The following IYD variants were observed in gnomAD, a reference collection of about 807,000 sequenced individuals.
The protein encoded by IYD is iodotyrosine deiodinase.
In IYD, 25 loss-of-function variants were observed where a neutral mutation model predicts 28.4. The observed-to-expected ratio is 0.88, with a 90% CI of 0.64 to 1.23. The LOEUF is 1.23. Among genes scored for constraint, IYD ranks in the 50% most tolerant of loss-of-function variants. IYD has a pLI of 0.00. For synonymous variants in IYD, 140 were observed against 130.8 expected (o/e 1.07, Z -0.48); for missense variants, 352 against 357.9 (o/e 0.98, Z 0.13).
chr6:150,375,974 T>C (rs1777431788), intron 1 of IYD, among the ~76,000 whole-genome samples: 1 of 152,188 alleles, frequency 6.6e-6, no homozygotes, highest in Non-Finnish European at 1.5e-5. Flanking sequence ...AAGCAATGTA[T>C]TTGGAGATGT....
rs973532325 is a variant in IYD at position 150,396,490 on chromosome 6, T to G, written c.688-1565T>G. 14 of 699,806 alleles carry G rather than the reference T, an allele frequency of 2.0e-5. No individual in the cohort carries two copies. In the East Asian group the frequency reaches 3.8e-4, roughly 19 times the overall value. 43.3% of individuals were successfully genotyped at this position (699,806 alleles called of 1,614,324 possible). The stretch of plus-strand genomic sequence containing the variant: ...TTGCAGGTTTCTACTGCTAGAGACA[T>G]ACAAAATTCAGTATGGAGTAAAAGC... On this transcript the variant is annotated intron_variant, in intron 4 of 4. Coordinates refer to ENST00000344419, the MANE Select transcript of IYD (RefSeq NM_203395.3).
intron 4 of IYD, chr6:150,395,342 C>T (rs1247372277): frequency 2.3e-6 from 3 of 1,299,230 alleles, no homozygotes; most frequent in Non-Finnish European, 3.2e-6. Flanking sequence ...CAAAGAAAAA[C>T]ATGTATGTTG....
At chr6:150,375,350 A>C (rs1777408051) in intron 1 of IYD, among the ~76,000 whole-genome samples, 1 of 152,158 alleles carries the variant, frequency 6.6e-6, no homozygotes, top group South Asian at 2.1e-4. Context: ...GGAGATGAAG[A>C]AACTGTATTC....
chr6:150,395,533 G>A lies in IYD; in HGVS notation c.687+1278G>A. 1.3e-6 allele frequency: 2 copies of A among 1,537,332 alleles called. No individual in the cohort carries two copies. Among genetic ancestry groups the A allele is most frequent in the Non-Finnish European group, 8.7e-7 (1 of 1,146,922 alleles). ...TGAGGGTCCTGGAAGAAGCAGCGAA[G>A]CCTGCAGCAAGCTCAGCTCACAAGG... On this transcript the variant is annotated intron_variant, in intron 4 of 4. Coordinates refer to ENST00000344419, the MANE Select transcript of IYD (RefSeq NM_203395.3).
chr6:150,384,568 A>T (rs1347249025), intron 1 of IYD: 1 of 152,158 alleles, frequency 6.6e-6, no homozygotes, highest in Non-Finnish European at 1.5e-5. Flanking sequence ...TTATTATTAT[A>T]TTTTTGCCAT....
In IYD at chr6:150,405,714, C is replaced by A. The variant is rs1778623119; in HGVS notation, c.*7477C>A. 1 of 152,158 alleles carries A rather than the reference C, an allele frequency of 6.6e-6. No individual in the cohort carries two copies. Among genetic ancestry groups the A allele is most frequent in the African/African-American group, 2.4e-5 (1 of 41,422 alleles). 9.4% of individuals were successfully genotyped at this position (152,158 alleles called of 1,614,324 possible). Reference sequence around the variant, plus strand: ...GAAACTGCCCCCATTATTCAATTATCCCCCATCAGTTCTCTCCCATGACAT... The same window carrying A: ...GAAACTGCCCCCATTATTCAATTATACCCCATCAGTTCTCTCCCATGACAT... On this transcript the variant is annotated 3_prime_UTR_variant, in exon 5 of 5. Coordinates refer to ENST00000344419, the MANE Select transcript of IYD (RefSeq NM_203395.3).
chr6:150,370,690 G>T (rs1777208050), intron 1 of IYD: 8 of 984,892 alleles, frequency 8.1e-6, no homozygotes, highest in Non-Finnish European at 9.6e-6. Flanking sequence ...TGGTAAGGAT[G>T]GCCTGGATGG....
chr6:150,396,620 A>T (rs1299188481), intron 4 of IYD: 4 of 495,368 alleles, frequency 8.1e-6, no homozygotes, highest in Non-Finnish European at 1.4e-5. Flanking sequence ...CACGCCTCTA[A>T]TCCCAGCACT....
At chr6:150,388,811 C>T (rs805991) in intron 1 of IYD, among the ~76,000 whole-genome samples, 59,850 of 150,308 alleles carry the variant, frequency 0.4, 13,484 homozygotes, top group Non-Finnish European at 0.52. Context: ...AAGCGATTCT[C>T]ATGCCTCAGC....
intron 1 of IYD, among the ~76,000 whole-genome samples, chr6:150,379,487 T>C (rs1457185987): frequency 6.6e-6 from 1 of 152,192 alleles, no homozygotes; most frequent in African/African-American, 2.4e-5. Flanking sequence ...CTTTGTACCA[T>C]CCCTTCTTAT....
intron 1 of IYD, among the ~76,000 whole-genome samples, chr6:150,377,427 C>T (rs1237209464): frequency 1.3e-5 from 2 of 152,180 alleles, no homozygotes; most frequent in African/African-American, 2.4e-5. Flanking sequence ...TCTCATTCCC[C>T]AGCCATAGTA....
At chr6:150,393,683 A>T (rs1428636384) in intron 3 of IYD, among the ~76,000 whole-genome samples, 4 of 152,234 alleles carry the variant, frequency 2.6e-5, no homozygotes, top group African/African-American at 9.6e-5. Flanking sequence ...TTCTGCATTT[A>T]CACCTTACAT....
At chr6:150,393,286 C>T (rs975560609) in intron 3 of IYD, among the ~76,000 whole-genome samples, 3 of 152,156 alleles carry the variant, frequency 2.0e-5, no homozygotes, top group Admixed American at 6.5e-5. Context: ...CAGTGCAGAT[C>T]TTCTAAAGCG....
At chr6:150,373,188 C>T (rs1777332980) in intron 1 of IYD, among the ~76,000 whole-genome samples, 2 of 152,110 alleles carry the variant, frequency 1.3e-5, no homozygotes, top group South Asian at 2.1e-4. Flanking sequence ...CTAAGAAAGG[C>T]CTGAGTTAAA....
chr6:150,388,077 T>C (rs929922147), intron 1 of IYD, among the ~76,000 whole-genome samples: 3 of 152,202 alleles, frequency 2.0e-5, no homozygotes, highest in Non-Finnish European at 4.4e-5. Context: ...TGCTGATGAT[T>C]GTACTTAAAA....
intron 1 of IYD, among the ~76,000 whole-genome samples, chr6:150,385,610 T>C (rs1379005241): frequency 1.3e-5 from 2 of 152,052 alleles, no homozygotes; most frequent in Non-Finnish European, 2.9e-5. Flanking sequence ...TAATATTTTA[T>C]TTAGGATTTT....
chr6:150,369,562 C>T (rs1777142427), intron 1 of IYD, among the ~76,000 whole-genome samples: 2 of 152,190 alleles, frequency 1.3e-5, no homozygotes, highest in South Asian at 4.1e-4. Context: ...TGATCAGGAA[C>T]TTTGAAATCT....
intron 1 of IYD, among the ~76,000 whole-genome samples, chr6:150,387,735 C>A (rs1038308661): frequency 1.3e-5 from 2 of 152,032 alleles, no homozygotes; most frequent in East Asian, 1.9e-4. Flanking sequence ...AGTCAACCAT[C>A]CTTTTAAGTT....
chr6:150,375,663 G>A (rs1246565760), intron 1 of IYD, among the ~76,000 whole-genome samples: 2 of 152,108 alleles, frequency 1.3e-5, no homozygotes, highest in African/African-American at 2.4e-5. Flanking sequence ...CATAATTCTT[G>A]TTAGCCCTAT....
Sources: gnomAD v4.1 joint callset for allele counts (sites outside exome capture counted in the v4.1 genomes callset) on GRCh38, gnomAD v4.1.1 for gene constraint, MANE v1.5 for transcripts, NCBI Gene and HGNC (gene_info 2026-07-23, HGNC 2026-07-21) for gene names.